The following USP48 variants were observed in gnomAD, a reference collection of about 807,000 sequenced individuals.
USP48 encodes ubiquitin specific peptidase 48, also known as ubiquitin carboxyl-terminal hydrolase 48.
In USP48, 43 loss-of-function variants were observed where a neutral mutation model predicts 150.7. That is an observed-to-expected ratio of 0.29 (90% CI 0.22 to 0.37). USP48 has a LOEUF of 0.37. Among genes scored for constraint, USP48 ranks in the 10% least tolerant of loss-of-function variants. USP48 has a pLI of 1.00. For synonymous variants in USP48, 396 were observed against 425.9 expected, an observed-to-expected ratio of 0.93 and a Z score of 0.86; for missense variants, 813 against 1,249.6, an observed-to-expected ratio of 0.65 and a Z score of 5.27.
At chr1:21,693,835 T>C (rs3767134) in intron 23 of USP48, among the ~76,000 whole-genome samples, 18,333 of 152,208 alleles carry the variant, frequency 0.12, 1,642 homozygotes, top group East Asian at 0.26. Flanking sequence ...AGGGAAATAC[T>C]GTTGTCAGGA....
At chr1:21,712,092 C>A (rs2097691707) in intron 15 of USP48, among the ~76,000 whole-genome samples, 2 of 152,226 alleles carry the variant, frequency 1.3e-5, no homozygotes, top group Admixed American at 6.5e-5. Context: ...GGCATGATGG[C>A]TGACGCCTGT....
chr1:21,681,885 T>C (rs2097566911), intron 25 of USP48, among the ~76,000 whole-genome samples: 1 of 152,226 alleles, frequency 6.6e-6, no homozygotes, highest in Non-Finnish European at 1.5e-5. Context: ...CTGTAACCTC[T>C]TGAAGACAGT....
intron 1 of USP48, among the ~76,000 whole-genome samples, chr1:21,775,462 C>T (rs1005211616): frequency 6.6e-6 from 1 of 152,110 alleles, no homozygotes; most frequent in Non-Finnish European, 1.5e-5. Context: ...GCCATGTTGA[C>T]CAGACTGGTC....
chr1:21,717,584 G>T (rs16825873), intron 14 of USP48, among the ~76,000 whole-genome samples: 2,909 of 152,222 alleles, frequency 0.019, 89 homozygotes, highest in African/African-American at 0.066. Flanking sequence ...AGCCTAAGAA[G>T]ATGGTCAACC....
At position 21,684,657 on chromosome 1, in the gene USP48, T is replaced by C. The variant is rs577958699; in HGVS notation, c.3058+2534A>G. ...ACAGCATTTCCCCCATATTGAATTCTAGCAATTTCATAGTTTCAAGTCTTA... is the reference window on the plus strand; with the variant it reads ...ACAGCATTTCCCCCATATTGAATTCCAGCAATTTCATAGTTTCAAGTCTTA... On this transcript the variant is annotated intron_variant, in intron 25 of 26. Transcript: ENST00000308271. Among the ~76,000 whole-genome samples, 26 of 133,588 alleles carry C rather than the reference T, an allele frequency of 1.9e-4. No individual in the cohort carries two copies. The South Asian group carries it at 2.6e-3, about 14-fold the overall frequency. The allele number at this position is 133,588 out of a possible 152,430, so 87.6% of individuals were successfully genotyped here. A position where few individuals can be genotyped will look rare whatever the true frequency, so the allele number is the denominator to read the frequency against.
Position 21,756,777 on chromosome 1 carries a change from A to AT in USP48, c.256-76dup, listed in dbSNP as rs1298583387. On this transcript the variant is annotated intron_variant, in intron 2 of 26. Coordinates refer to ENST00000308271, the MANE Select transcript of USP48 (RefSeq NM_032236.8). ...ACCAATTTCTAAGCATTATTCTTAA[A>AT]TTTTCAGATTAAAAATGTGTAAGAC... is the stretch of plus-strand genomic sequence containing the variant. 3 of 1,569,284 alleles carry AT rather than the reference A, an allele frequency of 1.9e-6. No individual in the cohort carries two copies. The Admixed American group carries it at 5.7e-5, about 30-fold the overall frequency.
Position 21,756,617 on chromosome 1 carries a change from C to T in USP48, c.341G>A (p.Arg114Gln). The T allele has an allele frequency of 1.9e-6, 3 of 1,610,198 alleles. No homozygotes were observed. Among genetic ancestry groups the T allele is most frequent in the East Asian group, 2.2e-5 (1 of 44,676 alleles). ...GCTTGGACATAAGTAGAGTGCCTGCCGAAGCTCCAAGTTGAGAAACCACAC... is the reference window on the plus strand; with the variant it reads ...GCTTGGACATAAGTAGAGTGCCTGCTGAAGCTCCAAGTTGAGAAACCACAC... Reference protein sequence around the residue: ...LQVWFLNLELRQALYLCPSTC... With the variant: ...LQVWFLNLELQQALYLCPSTC... The change falls in exon 3 of 27, where the codon CGG becomes CAG. Residue 114 changes from arginine (R) to glutamine (Q), a missense_variant. Transcript: ENST00000308271.
intron 23 of USP48, among the ~76,000 whole-genome samples, chr1:21,693,085 G>A (rs1310937842): frequency 1.3e-5 from 2 of 151,898 alleles, no homozygotes; most frequent in African/African-American, 4.8e-5. Context: ...ATATAGAAGC[G>A]ATCGCCTCAG....
chr1:21,731,315 G>A (rs1482907504), intron 9 of USP48, among the ~76,000 whole-genome samples: 3 of 151,928 alleles, frequency 2.0e-5, no homozygotes, highest in African/African-American at 7.2e-5. Context: ...CCAGGCTGGA[G>A]TGGAATGGCA....
chr1:21,759,027 G>A (rs2097843643), intron 1 of USP48, among the ~76,000 whole-genome samples: 1 of 151,858 alleles, frequency 6.6e-6, no homozygotes, highest in Admixed American at 6.6e-5. Flanking sequence ...ACAAAAATTA[G>A]CCAGGTGTGG....
At chr1:21,717,665 A>C (rs925712558) in intron 14 of USP48, among the ~76,000 whole-genome samples, 2 of 152,080 alleles carry the variant, frequency 1.3e-5, no homozygotes, top group Non-Finnish European at 2.9e-5. Context: ...GCTGATAAAA[A>C]CTGATGTGAC....
intron 11 of USP48, chr1:21,725,233 A>C (rs2097733201): frequency 6.6e-6 from 1 of 152,230 alleles, no homozygotes; most frequent in Non-Finnish European, 1.5e-5. Context: ...GTCACGGTCT[A>C]ATCCAAGTTC....
intron 1 of USP48, among the ~76,000 whole-genome samples, chr1:21,782,603 A>C (rs2097917228): frequency 6.6e-6 from 1 of 152,212 alleles, no homozygotes; most frequent in Non-Finnish European, 1.5e-5. Flanking sequence ...TGGGAACCCA[A>C]ACCTTCCTAA....
At position 21,783,013 on chromosome 1, in the gene USP48, C is replaced by A; in HGVS notation, c.-56G>T. The A allele has an allele frequency of 2.7e-6, 4 of 1,455,262 alleles. No individual in the cohort carries two copies. Among genetic ancestry groups the A allele is most frequent in the Non-Finnish European group, 3.6e-6 (4 of 1,114,396 alleles). 90.1% of individuals were successfully genotyped at this position (1,455,262 alleles called of 1,614,324 possible). On this transcript the variant is annotated 5_prime_UTR_variant, in exon 1 of 27. Coordinates refer to ENST00000308271, the MANE Select transcript of USP48 (RefSeq NM_032236.8). ...AGACCGCCGCAGCCGCCGCCGCGGT[C>A]TGCACCGCCGCCCCAATGGGCTTCG...
chr1:21,727,423 A>G (rs1184513843), intron 11 of USP48, among the ~76,000 whole-genome samples: 3 of 152,258 alleles, frequency 2.0e-5, no homozygotes, highest in Non-Finnish European at 4.4e-5. Flanking sequence ...CAAAGGAAGC[A>G]CAGTGCTAAC....
chr1:21,702,081 A>G (rs980628623), intron 21 of USP48, among the ~76,000 whole-genome samples: 2 of 152,244 alleles, frequency 1.3e-5, no homozygotes, highest in Non-Finnish European at 2.9e-5. Flanking sequence ...ATGAAACTAC[A>G]TCTAAATTGG....
At chr1:21,682,412 T>G (rs1264047694) in intron 25 of USP48, among the ~76,000 whole-genome samples, 14 of 151,910 alleles carry the variant, frequency 9.2e-5, no homozygotes, top group Admixed American at 9.2e-4. Context: ...CTCCAAATGT[T>G]CCTTTTATAT....
At chr1:21,706,366 AAT>A in intron 17 of USP48, 99 bp downstream of exon 17, 1 of 1,557,302 alleles carries the variant, frequency 6.4e-7, no homozygotes. Context: ...AACAAATGAG[AAT>A]ATGAGAAGTT....
rs147330124 is a variant in USP48, at chr1:21,683,018, C to T, written c.3059-2184G>A. ...GCTCACATCTGTAATCCAAACACTT[C>T]GGGAGGCCGAGATGGGCAGATCACC... On this transcript the variant is annotated intron_variant, in intron 25 of 26. Transcript: ENST00000308271. 2.0e-3 allele frequency among the ~76,000 whole-genome samples: 298 copies of T among 152,102 alleles called. 1 individual carries two copies. The highest frequency in any genetic ancestry group is 7.0e-3 in the African/African-American group (290 of 41,500).
Sources: gnomAD v4.1 joint callset for allele counts (sites outside exome capture counted in the v4.1 genomes callset) on GRCh38, gnomAD v4.1.1 for gene constraint, MANE v1.5 for transcripts, NCBI Gene and HGNC (gene_info 2026-07-23, HGNC 2026-07-21) for gene names.